The following RAB18 variants were observed in gnomAD, a reference collection of about 807,000 sequenced individuals.
RAB18 encodes ras-related protein Rab-18.
In RAB18, 10 loss-of-function variants were observed where a neutral mutation model predicts 28.5. That is an observed-to-expected ratio of 0.35 (90% CI 0.22 to 0.60). RAB18 has a LOEUF of 0.60. RAB18 is among the 20% of genes least tolerant of loss of function. RAB18 has a pLI of 0.78. For missense variants in RAB18, 188 were observed against 244.2 expected (o/e 0.77, Z 1.53); for synonymous variants, 93 against 86.9 (o/e 1.07, Z -0.39).
intron 2 of RAB18, among the ~76,000 whole-genome samples, chr10:27,523,419 A>G (rs1834606913): frequency 6.6e-6 from 1 of 151,574 alleles, no homozygotes; most frequent in East Asian, 1.9e-4. Flanking sequence ...CATTGTTTGC[A>G]TAATAGGCTG....
In RAB18 at chr10:27,538,264, C is replaced by T; in HGVS notation, c.*213C>T. The T allele has an allele frequency of 1.5e-6, 1 of 678,298 alleles. No homozygotes were observed. Among genetic ancestry groups the T allele is most frequent in the Non-Finnish European group, 2.7e-6 (1 of 374,332 alleles). The allele number at this position is 678,298 out of a possible 1,614,324, so 42.0% of individuals were successfully genotyped here. A position where few individuals can be genotyped will look rare whatever the true frequency, so the allele number is the denominator to read the frequency against. Reference sequence around the variant, plus strand: ...TGCAGTCTACAGTTTTTTTATGTAGCACAAAATAGGTGTACCTTTATAAGT... The same window carrying T: ...TGCAGTCTACAGTTTTTTTATGTAGTACAAAATAGGTGTACCTTTATAAGT... On this transcript the variant is annotated 3_prime_UTR_variant, in exon 7 of 7. Coordinates refer to ENST00000356940, the MANE Select transcript of RAB18 (RefSeq NM_021252.5).
chr10:27,524,376 GCTT>G lies in RAB18; in HGVS notation c.125-2449_125-2447del, dbSNP rs1204693691. 5.3e-5 allele frequency among the ~76,000 whole-genome samples: 8 copies of G among 152,260 alleles called. No individual in the cohort carries two copies. The East Asian group carries it at 1.5e-3, about 29-fold the overall frequency. ...TTTTCTCCTCTTCAACAAGATGTGT[GCTT>G]CTGCTTCCATTAATATCTTCTGGTC... On this transcript the variant is annotated intron_variant, in intron 2 of 6. Transcript: ENST00000356940.
chr10:27,531,284 A>C (rs1382059083), intron 3 of RAB18, among the ~76,000 whole-genome samples: 1 of 152,044 alleles, frequency 6.6e-6, no homozygotes, highest in Admixed American at 6.6e-5. Flanking sequence ...TTGAAACGTT[A>C]CTTTCCTCTT....
At chr10:27,525,427 C>CCT (rs1834652338) in intron 2 of RAB18, among the ~76,000 whole-genome samples, 1 of 146,038 alleles carries the variant, frequency 6.8e-6, no homozygotes, top group African/African-American at 2.5e-5. Context: ...TTGTGCTTTG[C>CCT]TTTTTTTTTT....
intron 3 of RAB18, chr10:27,531,575 T>C (rs778732176): frequency 7.9e-7 from 1 of 1,270,478 alleles, no homozygotes; most frequent in South Asian, 1.3e-5. Context: ...AAGAGCCAGA[T>C]AGGAAATAGT....
At chr10:27,521,168 C>T (rs548025108) in intron 2 of RAB18, among the ~76,000 whole-genome samples, 56 of 151,870 alleles carry the variant, frequency 3.7e-4, no homozygotes, top group African/African-American at 1.2e-3. Flanking sequence ...TGCATGATTT[C>T]GGTTTTTTAA....
intron 1 of RAB18, among the ~76,000 whole-genome samples, chr10:27,507,368 G>A (rs570547624): frequency 6.6e-6 from 1 of 152,264 alleles, no homozygotes; most frequent in African/African-American, 2.4e-5. Context: ...AATGCTGTAG[G>A]CCTTCATTTC....
intron 3 of RAB18, chr10:27,531,748 G>A (rs1458398436): frequency 1.9e-6 from 1 of 523,906 alleles, no homozygotes; most frequent in African/African-American, 2.0e-5. Context: ...GAGAGAGAAG[G>A]AATTGGGCCC....
intron 3 of RAB18, 182 bp downstream of exon 3, chr10:27,527,071 T>C (rs758960504): frequency 2.7e-6 from 2 of 747,780 alleles, no homozygotes. Flanking sequence ...TAGGCAGCTA[T>C]GTTTTGTTTA....
At chr10:27,527,425 C>T (rs1421393958) in intron 3 of RAB18, among the ~76,000 whole-genome samples, 1 of 152,054 alleles carries the variant, frequency 6.6e-6, no homozygotes, top group Non-Finnish European at 1.5e-5. Context: ...AGCTAGACCG[C>T]TCATGCTAGT....
chr10:27,509,877 T>A lies in RAB18; in HGVS notation c.71T>A (p.Leu24Gln), dbSNP rs387906832. 1.2e-6 allele frequency: 2 copies of A among 1,612,116 alleles called. No individual in the cohort carries two copies. Among genetic ancestry groups the A allele is most frequent in the South Asian group, 2.2e-5 (2 of 91,040 alleles). ...IGESGVGKSS[L>Q]LLRFTDDTFD... is the part of the protein sequence containing the mutation. Reference sequence around the variant, plus strand: ...TGTCTTTTTAATATCTCTTTCAGCCTGCTCTTGAGGTTCACAGATGATACG... The same window carrying A: ...TGTCTTTTTAATATCTCTTTCAGCCAGCTCTTGAGGTTCACAGATGATACG... Residue 24 changes from leucine (L) to glutamine (Q), a missense_variant and splice_region_variant, in exon 2 of 7, where the codon CTG (leucine) becomes CAG (glutamine). By Grantham distance (113) the Leu-to-Gln change is moderately radical. Coordinates refer to ENST00000356940, the MANE Select transcript of RAB18 (RefSeq NM_021252.5).
At chr10:27,529,176 A>AT (rs879364475) in intron 3 of RAB18, among the ~76,000 whole-genome samples, 6 of 150,988 alleles carry the variant, frequency 4.0e-5, no homozygotes, top group Non-Finnish European at 7.4e-5. Context: ...TATGCTACAG[A>AT]TTTTTTTTTC....
At position 27,532,530 on chromosome 10, in the gene RAB18, T is replaced by G; in HGVS notation, c.210T>G (p.Phe70Leu). 6 of 1,605,780 alleles carry G rather than the reference T, an allele frequency of 3.7e-6. No individual in the cohort carries two copies. Among genetic ancestry groups the G allele is most frequent in the Non-Finnish European group, 5.1e-6 (6 of 1,173,400 alleles). The change falls in exon 4 of 7, where the codon TTT (phenylalanine) becomes TTG (leucine). Residue 70 changes from phenylalanine to leucine, a missense_variant. Physicochemically the swap from Phe to Leu is conservative, Grantham distance 22. Transcript: ENST00000356940. The stretch of plus-strand genomic sequence containing the variant: ...AGGATACTGCTGGTCAAGAGAGGTT[T>G]AGAACATTAACTCCCAGCTATTATA... ...AIWDTAGQER[F>L]RTLTPSYYRG... is the part of the protein sequence containing the mutation.
At chr10:27,506,968 A>G (rs568381106) in intron 1 of RAB18, among the ~76,000 whole-genome samples, 1 of 151,914 alleles carries the variant, frequency 6.6e-6, no homozygotes, top group Non-Finnish European at 1.5e-5. Flanking sequence ...AAGTTGTCTT[A>G]TTTGTCTAGC....
intron 6 of RAB18, 145 bp from the exon 7 acceptor site, chr10:27,537,731 A>G (rs918180081): frequency 1.6e-6 from 1 of 639,496 alleles, no homozygotes; most frequent in Admixed American, 3.0e-5. Context: ...GAAATTCACT[A>G]GTTATTGACC....
At chr10:27,530,259 T>C (rs976049671) in intron 3 of RAB18, among the ~76,000 whole-genome samples, 1 of 152,066 alleles carries the variant, frequency 6.6e-6, no homozygotes, top group African/African-American at 2.4e-5. Context: ...CTATTTGTTA[T>C]GAATATAGAA....
At position 27,539,460 on chromosome 10, in the gene RAB18, C is replaced by G. The variant is rs549652059; in HGVS notation, c.*1409C>G. On this transcript the variant is annotated 3_prime_UTR_variant, in exon 7 of 7. Transcript: ENST00000356940. ...TCTTTACATATAAAAACCTCACATTCTACTTGATTTACACTTCCTAGTCTA... is the reference window on the plus strand; with the variant it reads ...TCTTTACATATAAAAACCTCACATTGTACTTGATTTACACTTCCTAGTCTA... The G allele has an allele frequency of 1.3e-5, 4 of 304,316 alleles. No individual in the cohort carries two copies. The highest frequency in any genetic ancestry group is 8.9e-5 in the African/African-American group (4 of 44,972). The allele number at this position is 304,316 out of a possible 1,614,324, so 18.9% of individuals were successfully genotyped here.
intron 1 of RAB18, among the ~76,000 whole-genome samples, chr10:27,507,218 A>G (rs1371094818): frequency 6.6e-6 from 1 of 150,518 alleles, no homozygotes; most frequent in Non-Finnish European, 1.5e-5. Flanking sequence ...GGGAAAACAA[A>G]GGATATGTTT....
chr10:27,514,374 A>G (rs950747204), intron 2 of RAB18, among the ~76,000 whole-genome samples: 3 of 152,250 alleles, frequency 2.0e-5, no homozygotes, highest in East Asian at 1.9e-4. Flanking sequence ...CGCACTTGAC[A>G]TAAGAGGCCG....
Sources: gnomAD v4.1 joint callset for allele counts (sites outside exome capture counted in the v4.1 genomes callset) on GRCh38, gnomAD v4.1.1 for gene constraint, MANE v1.5 for transcripts, NCBI Gene and HGNC (gene_info 2026-07-23, HGNC 2026-07-21) for gene names.